Variants in JAK2 observed in about 807,000 individuals in gnomAD.
JAK2 encodes Janus kinase 2.
A neutral mutation model predicts 139.3 loss-of-function variants in JAK2; 86 were observed. The ratio of observed to expected loss-of-function variants is 0.62; its 90% CI spans 0.52 to 0.74. The LOEUF is 0.74. JAK2 is among the 30% of genes least tolerant of loss of function. JAK2 has a pLI of 0.00. For synonymous variants in JAK2, 490 were observed against 437.7 expected (o/e 1.12, Z -1.49); for missense variants, 1,421 against 1,360.3 (o/e 1.04, Z -0.70).
chr9:5,089,269 T>C (rs1202289939), intron 19 of JAK2, among the ~76,000 whole-genome samples: 1 of 152,194 alleles, frequency 6.6e-6, no homozygotes, highest in Non-Finnish European at 1.5e-5. Context: ...CTGGGCATGG[T>C]GGCTCATGCC....
intron 4 of JAK2, among the ~76,000 whole-genome samples, chr9:5,030,216 T>G (rs1427956012): frequency 6.6e-6 from 1 of 152,232 alleles, no homozygotes. Flanking sequence ...GTTTGGGATA[T>G]TGCTGGTTTG....
chr9:5,103,119 G>C (rs1317890259), intron 22 of JAK2, among the ~76,000 whole-genome samples: 2 of 146,036 alleles, frequency 1.4e-5, no homozygotes, highest in Non-Finnish European at 3.0e-5. Context: ...AAAGATTGAA[G>C]ACCCATCACT....
At chr9:5,109,387 C>G (rs1255483747) in intron 22 of JAK2, 1 of 152,148 alleles carries the variant, frequency 6.6e-6, no homozygotes, top group Non-Finnish European at 1.5e-5. Flanking sequence ...GAACTGCTAA[C>G]TCATGCCCCC....
At chr9:4,986,200 T>C (rs1298912742) in intron 2 of JAK2, among the ~76,000 whole-genome samples, 178 bp downstream of exon 2, 1 of 152,192 alleles carries the variant, frequency 6.6e-6, no homozygotes, top group Non-Finnish European at 1.5e-5. Context: ...TGGGGTGTTT[T>C]GTTGTTCGTC....
Position 5,063,654 on chromosome 9 carries a change from T to C in JAK2, c.1057-1229T>C, listed in dbSNP as rs545001331. On this transcript the variant is annotated intron_variant, in intron 8 of 24. Transcript: ENST00000381652. ...TTTATGATATTGAATTTTCCTACCA[T>C]GGTTAATCTTCTATATATTTAAATA... Among the ~76,000 whole-genome samples the C allele has an allele frequency of 1.6e-3, 246 of 152,332 alleles. 1 individual carries two copies. The highest frequency in any genetic ancestry group is 5.6e-3 in the African/African-American group (232 of 41,588).
rs116422994 is a variant in JAK2, at chr9:5,004,639, A to G, written c.-25-17324A>G. On this transcript the variant is annotated intron_variant, in intron 2 of 24. Coordinates refer to ENST00000381652, the MANE Select transcript of JAK2 (RefSeq NM_004972.4). ...CTTTGACATATTATTTTTAGTTCCA[A>G]TACCCAGAAGTGGGATTGCTAAATC... Among the ~76,000 whole-genome samples, 593 of 152,254 alleles carry G rather than the reference A, an allele frequency of 3.9e-3. 2 individuals are homozygous for G. The highest frequency in any genetic ancestry group is 0.013 in the African/African-American group (555 of 41,550).
chr9:5,072,592 A>G lies in JAK2; in HGVS notation c.1742A>G (p.Lys581Arg), dbSNP rs749364244. Residue 581 changes from lysine to arginine, a missense_variant, in exon 13 of 25, where the codon AAA becomes AGA. Transcript: ENST00000381652. ...CTGCATGAAACAGAAGTTCTTTTAA[A>G]AGTTCTGGATAAAGCACACAGAAAC... ...GQLHETEVLL[K>R]VLDKAHRNYS... The G allele has an allele frequency of 2.5e-6, 4 of 1,609,974 alleles. No homozygotes were observed. The South Asian group carries it at 4.4e-5, about 18-fold the overall frequency.
At chr9:5,075,679 G>A (rs1163190486) in intron 14 of JAK2, among the ~76,000 whole-genome samples, 3 of 152,190 alleles carry the variant, frequency 2.0e-5, no homozygotes, top group Non-Finnish European at 2.9e-5. Flanking sequence ...GAGCTCTGAT[G>A]GAGATGTACA....
chr9:5,050,540 G>A (rs1489110298), intron 5 of JAK2, 146 bp from the exon 6 acceptor site: 1 of 739,510 alleles, frequency 1.4e-6, no homozygotes, highest in South Asian at 2.0e-5. Context: ...CAAAGTTCTG[G>A]GATTACAGGC....
At chr9:4,994,705 T>G (rs1387199829) in intron 2 of JAK2, among the ~76,000 whole-genome samples, 1 of 152,176 alleles carries the variant, frequency 6.6e-6, no homozygotes, top group African/African-American at 2.4e-5. Flanking sequence ...AACAGGCAGC[T>G]GGCTAAATTT....
chr9:5,007,516 G>GT (rs774154241), intron 2 of JAK2, among the ~76,000 whole-genome samples: 11 of 151,722 alleles, frequency 7.3e-5, no homozygotes, highest in Middle Eastern at 3.4e-3. Flanking sequence ...GCATACGTGA[G>GT]TTTTTTTTGT....
intron 8 of JAK2, among the ~76,000 whole-genome samples, chr9:5,056,346 G>C (rs555674516): frequency 2.6e-5 from 4 of 151,988 alleles, no homozygotes; most frequent in African/African-American, 9.6e-5. Flanking sequence ...TTTATACTTT[G>C]CTCTTAAGTT....
At chr9:5,112,545 G>A (rs1192821155) in intron 22 of JAK2, 3 of 603,484 alleles carry the variant, frequency 5.0e-6, no homozygotes, top group African/African-American at 1.9e-5. Flanking sequence ...GGGAGAAGCA[G>A]GTGGCCAATA....
At chr9:5,022,529 G>T (rs1484538131) in intron 3 of JAK2, among the ~76,000 whole-genome samples, 1 of 152,162 alleles carries the variant, frequency 6.6e-6, no homozygotes, top group Non-Finnish European at 1.5e-5. Context: ...GCTAGATCCT[G>T]AGAGCAACAT....
Position 5,078,453 on chromosome 9 carries a change from TAGA to T in JAK2, c.2131+12_2131+14del. The T allele has an allele frequency of 6.2e-7, 1 of 1,608,108 alleles. No homozygotes were observed. Among genetic ancestry groups the T allele is most frequent in the Non-Finnish European group, 8.5e-7 (1 of 1,175,868 alleles). ...AGTTTTGCCAAAGGACAGTAAGTTC[TAGA>T]AGGATTATATATAATGTTACTAAGC... On this transcript the variant is annotated intron_variant, in intron 16 of 24. Transcript: ENST00000381652.
At chr9:5,085,484 C>T (rs1315927254) in intron 19 of JAK2, 1 of 723,822 alleles carries the variant, frequency 1.4e-6, no homozygotes, top group Non-Finnish European at 2.6e-6. Flanking sequence ...CTCTCATGCT[C>T]ATTTTCTTTT....
At chr9:5,066,245 T>A (rs1366201600) in intron 9 of JAK2, among the ~76,000 whole-genome samples, 1 of 152,134 alleles carries the variant, frequency 6.6e-6, no homozygotes, top group African/African-American at 2.4e-5. Context: ...GACTTTGTTA[T>A]CGTACTGAAT....
chr9:5,035,982 C>T (rs567446514), intron 4 of JAK2, among the ~76,000 whole-genome samples: 1 of 152,190 alleles, frequency 6.6e-6, no homozygotes, highest in East Asian at 1.9e-4. Flanking sequence ...CTGGAAAACC[C>T]CATCGTCTCA....
chr9:5,044,319 G>C, intron 4 of JAK2, 84 bp from the exon 5 acceptor site: 2 of 802,694 alleles, frequency 2.5e-6, no homozygotes, highest in Non-Finnish European at 4.3e-6. Flanking sequence ...ATACCTTTCA[G>C]TATGCTGTAG....
Sources: gnomAD v4.1 joint callset for allele counts (sites outside exome capture counted in the v4.1 genomes callset) on GRCh38, gnomAD v4.1.1 for gene constraint, MANE v1.5 for transcripts, NCBI Gene and HGNC (gene_info 2026-07-23, HGNC 2026-07-21) for gene names.